The following FAM184B variants were observed in gnomAD, a reference collection of about 807,000 sequenced individuals.
The protein encoded by FAM184B is protein FAM184B.
FAM184B carries 111 observed loss-of-function variants against 135.9 expected under a neutral mutation model. That is an observed-to-expected ratio of 0.82 (90% CI 0.70 to 0.96). The LOEUF is 0.96. Among genes scored for constraint, FAM184B ranks in the 40% least tolerant of loss-of-function variants. FAM184B has a pLI of 0.00. For missense variants in FAM184B, 1,375 were observed against 1,323.9 expected (o/e 1.04, Z -0.60); for synonymous variants, 552 against 524.8 (o/e 1.05, Z -0.71).
chr4:17,647,434 G>T (rs1269900746), intron 12 of FAM184B, among the ~76,000 whole-genome samples: 2 of 151,826 alleles, frequency 1.3e-5, no homozygotes, highest in Non-Finnish European at 2.9e-5. Flanking sequence ...TTTTTTTGTA[G>T]AGATATAGTC....
rs371441694 is a variant in FAM184B, at chr4:17,772,234, T to C, written c.141+8925A>G. ...GTATAACTTTGAATAGAAATGATAA[T>C]TATTTTTCCTTATTATTTCTGATTT... On this transcript the variant is annotated intron_variant, in intron 1 of 17. Coordinates refer to ENST00000265018, the MANE Select transcript of FAM184B (RefSeq NM_015688.2). Among the ~76,000 whole-genome samples the C allele has an allele frequency of 8.3e-4, 127 of 152,316 alleles. 5 individuals are homozygous for C. The South Asian group carries it at 0.026, about 31-fold the overall frequency.
chr4:17,731,119 CA>C (rs1717765939), intron 1 of FAM184B, among the ~76,000 whole-genome samples: 1 of 152,078 alleles, frequency 6.6e-6, no homozygotes, highest in African/African-American at 2.4e-5. Flanking sequence ...TACAGACAAC[CA>C]AATGCTGAGA....
chr4:17,717,415 A>G (rs1717420194), intron 1 of FAM184B, among the ~76,000 whole-genome samples: 1 of 152,120 alleles, frequency 6.6e-6, no homozygotes, highest in Non-Finnish European at 1.5e-5. Flanking sequence ...TTCATGCCTC[A>G]CAGGTCGCTT....
chr4:17,749,083 T>C (rs1718239626), intron 1 of FAM184B, among the ~76,000 whole-genome samples: 1 of 151,082 alleles, frequency 6.6e-6, no homozygotes, highest in African/African-American at 2.4e-5. Context: ...ATTCTCCTAC[T>C]TCAACCTCCT....
intron 1 of FAM184B, among the ~76,000 whole-genome samples, chr4:17,752,170 G>A (rs1215832623): frequency 6.6e-6 from 1 of 152,106 alleles, no homozygotes; most frequent in Non-Finnish European, 1.5e-5. Flanking sequence ...AGCTAAAACA[G>A]GTAGGAACTG....
At chr4:17,661,726 G>A (rs1715924761) in intron 8 of FAM184B, among the ~76,000 whole-genome samples, 1 of 152,198 alleles carries the variant, frequency 6.6e-6, no homozygotes, top group East Asian at 1.9e-4. Context: ...TATGAAACCA[G>A]CCCAAGGGTT....
intron 14 of FAM184B, 126 bp from the exon 15 acceptor site, chr4:17,636,771 A>AGCG (rs1333371096): frequency 6.4e-6 from 5 of 784,096 alleles, no homozygotes; most frequent in Admixed American, 5.9e-5. Flanking sequence ...AGATAGCAGC[A>AGCG]GCGGCTTGCC....
At chr4:17,754,267 T>G (rs1471758997) in intron 1 of FAM184B, among the ~76,000 whole-genome samples, 1 of 151,790 alleles carries the variant, frequency 6.6e-6, no homozygotes, top group Non-Finnish European at 1.5e-5. Context: ...AGAAGAGAAT[T>G]TAGGCTGGGC....
Position 17,690,536 on chromosome 4 carries a change from A to G in FAM184B, c.1489-2005T>C, listed in dbSNP as rs138566746. On this transcript the variant is annotated intron_variant, in intron 6 of 17. Transcript: ENST00000265018. ...GGCCTAGAGAGAACGTGGAGGCAGA[A>G]AGATCCATGGCAACGCTCTTGCAAG... 6.6e-5 allele frequency among the ~76,000 whole-genome samples: 10 copies of G among 152,304 alleles called. No individual in the cohort carries two copies. In the East Asian group the frequency reaches 1.9e-3, roughly 29 times the overall value.
chr4:17,739,401 A>G (rs1354233134), intron 1 of FAM184B, among the ~76,000 whole-genome samples: 1 of 151,984 alleles, frequency 6.6e-6, no homozygotes, highest in African/African-American at 2.4e-5. Flanking sequence ...ACACCTACAC[A>G]ACATCTCCAC....
In FAM184B at chr4:17,743,133, A is replaced by T. The variant is rs560015957; in HGVS notation, c.142-33489T>A. Among the ~76,000 whole-genome samples, 6 of 152,328 alleles carry T rather than the reference A, an allele frequency of 3.9e-5. No individual in the cohort carries two copies. The East Asian group carries it at 7.7e-4, about 20-fold the overall frequency. On this transcript the variant is annotated intron_variant, in intron 1 of 17. Coordinates refer to ENST00000265018, the MANE Select transcript of FAM184B (RefSeq NM_015688.2). ...CGGGCCACTCCAGTTCCTGCCCACA[A>T]AGGAGGTCAAGAGAACTATCCTGTC...
chr4:17,772,598 C>T (rs1332635562), intron 1 of FAM184B, among the ~76,000 whole-genome samples: 1 of 152,250 alleles, frequency 6.6e-6, no homozygotes, highest in Admixed American at 6.5e-5. Context: ...AAGCTAGACT[C>T]ATCCTAAGAT....
At chr4:17,752,641 A>C (rs538262048) in intron 1 of FAM184B, among the ~76,000 whole-genome samples, 55 of 152,320 alleles carry the variant, frequency 3.6e-4, no homozygotes, top group Non-Finnish European at 4.0e-4. Flanking sequence ...GAGGATGCCC[A>C]GGACATCACA....
intron 6 of FAM184B, among the ~76,000 whole-genome samples, chr4:17,689,563 A>G (rs1450444882): frequency 6.6e-6 from 1 of 152,130 alleles, no homozygotes; most frequent in African/African-American, 2.4e-5. Flanking sequence ...CTCAGTAGAG[A>G]TATGTACAAA....
At chr4:17,768,671 C>T (rs957743700) in intron 1 of FAM184B, among the ~76,000 whole-genome samples, 2 of 152,136 alleles carry the variant, frequency 1.3e-5, no homozygotes, top group African/African-American at 2.4e-5. Flanking sequence ...GTCCAAATGA[C>T]GTCGAATAAG....
At chr4:17,661,048 G>C (rs1360867425) in intron 8 of FAM184B, among the ~76,000 whole-genome samples, 1 of 152,128 alleles carries the variant, frequency 6.6e-6, no homozygotes, top group African/African-American at 2.4e-5. Context: ...GTGGCCAAGA[G>C]AATGGTGCAA....
chr4:17,656,600 C>G (rs1715782924), intron 10 of FAM184B, among the ~76,000 whole-genome samples: 1 of 152,166 alleles, frequency 6.6e-6, no homozygotes, highest in African/African-American at 2.4e-5. Flanking sequence ...TGGGATTTCA[C>G]CATGTTGGCC....
intron 1 of FAM184B, among the ~76,000 whole-genome samples, chr4:17,737,674 C>T (rs554164143): frequency 2.0e-5 from 3 of 152,260 alleles, no homozygotes; most frequent in South Asian, 2.1e-4. Flanking sequence ...GTTCCTCCCC[C>T]GAACCTCAAA....
In FAM184B at chr4:17,651,561, A is replaced by AAAG. The variant is rs1553829628; in HGVS notation, c.2191+1266_2191+1268dup. On this transcript the variant is annotated intron_variant, in intron 11 of 17. Transcript: ENST00000265018. ...TCAAAAAAAAAAAAAAAAAAAAAAA[A>AAAG]AAGAAGAAAAGAAACATTCAGTCAT... Among the ~76,000 whole-genome samples the AAAG allele has an allele frequency of 2.0e-4, 30 of 151,088 alleles. 2 individuals carry two copies. Among genetic ancestry groups the AAAG allele is most frequent in the African/African-American group, 7.0e-4 (29 of 41,196 alleles).
Sources: gnomAD v4.1 joint callset for allele counts (sites outside exome capture counted in the v4.1 genomes callset) on GRCh38, gnomAD v4.1.1 for gene constraint, MANE v1.5 for transcripts, NCBI Gene and HGNC (gene_info 2026-07-23, HGNC 2026-07-21) for gene names.